Variants in ANO7 observed in about 807,000 individuals in gnomAD.
The protein encoded by ANO7 is anoctamin-7.
In ANO7, 114 loss-of-function variants were observed where a neutral mutation model predicts 115.8. The observed-to-expected ratio is 0.98, with a 90% CI of 0.85 to 1.15. The LOEUF is 1.15. Among genes scored for constraint, ANO7 ranks in the 50% most tolerant of loss-of-function variants. The probability of loss-of-function intolerance (pLI) is 0.00; values close to 1 mark genes in which losing one functional copy is unlikely to be tolerated. For missense variants in ANO7, 1,302 were observed against 1,201.2 expected (o/e 1.08, Z -1.24); for synonymous variants, 550 against 498.2 (o/e 1.10, Z -1.38).
the ANO7 span, chr2:241,235,668 T>G: frequency 3.9e-6 from 4 of 1,018,494 alleles, no homozygotes; most frequent in Admixed American, 3.7e-5. Flanking sequence ...GCAATGGGGC[T>G]CCACGAAACA....
intron 16 of ANO7, 74 bp downstream of exon 16, chr2:241,212,279 AC>A: frequency 7.3e-7 from 1 of 1,376,616 alleles, no homozygotes; most frequent in Non-Finnish European, 1.0e-6. Flanking sequence ...CTGCCTGGGT[AC>A]CAGGCGTCAT....
chr2:241,203,002 G>A lies in ANO7; in HGVS notation c.724-331G>A, dbSNP rs1314321982. Among the ~76,000 whole-genome samples the A allele has an allele frequency of 1.3e-5, 2 of 152,160 alleles. No homozygotes were observed. Among genetic ancestry groups the A allele is most frequent in the Admixed American group, 6.5e-5 (1 of 15,288 alleles). ...GCCCAGAATGCACAGCACAGGACAC[G>A]AGCCTGGGGACTCTCCAACCCAGAG... On this transcript the variant is annotated intron_variant, in intron 8 of 24. Coordinates refer to ENST00000674324, the MANE Select transcript of ANO7 (RefSeq NM_001370694.2). The surrounding 1 kb of genome is among the most constrained non-coding windows in gnomAD (Gnocchi z 4.8).
At chr2:241,202,605 G>T (rs551190789) in intron 8 of ANO7, among the ~76,000 whole-genome samples, 27 of 152,324 alleles carry the variant, frequency 1.8e-4, no homozygotes, top group Admixed American at 3.9e-4. Flanking sequence ...TCTCTTGCTG[G>T]GAAAGACAGT....
chr2:241,217,668 G>A lies in ANO7; in HGVS notation c.1973-18G>A. 17 of 1,564,980 alleles carry A rather than the reference G, an allele frequency of 1.1e-5. No homozygotes were observed. Among genetic ancestry groups the A allele is most frequent in the Admixed American group, 1.9e-5 (1 of 53,816 alleles). Reference sequence around the variant, plus strand: ...GCGGACGGTGGCGGAGAGCCCGGCCGTGACCCCCTCCCCGCAGTGCTGCAG... The same window carrying A: ...GCGGACGGTGGCGGAGAGCCCGGCCATGACCCCCTCCCCGCAGTGCTGCAG... On this transcript the variant is annotated intron_variant, in intron 19 of 24. Coordinates refer to ENST00000674324, the MANE Select transcript of ANO7 (RefSeq NM_001370694.2).
chr2:241,219,879 C>T (rs987793574), intron 21 of ANO7, among the ~76,000 whole-genome samples: 3 of 152,116 alleles, frequency 2.0e-5, no homozygotes, highest in Non-Finnish European at 2.9e-5. Flanking sequence ...GGCTAGCACA[C>T]GTTCTAAACT....
In ANO7 at chr2:241,216,167, G is replaced by T; in HGVS notation, c.1901G>T (p.Ser634Ile). The change falls in exon 19 of 25, where the codon AGC becomes ATC. Residue 634 changes from serine (S) to isoleucine (I), a missense_variant. Coordinates refer to ENST00000674324, the MANE Select transcript of ANO7 (RefSeq NM_001370694.2). The part of the protein sequence containing the change: ...KRKAGASAGA[S>I]QGPWEDDYEL... ...AAGGCGGGAGCTTCTGCAGGGGCTA[G>T]CCAGGGGCCCTGGGAGGACGACTAT... 6.2e-7 allele frequency: 1 copy of T among 1,613,350 alleles called. No homozygotes were observed. The highest frequency in any genetic ancestry group is 8.5e-7 in the Non-Finnish European group (1 of 1,179,916).
rs2068507388 is a variant in ANO7 at position 241,203,031 on chromosome 2, G to A, written c.724-302G>A. On this transcript the variant is annotated intron_variant, in intron 8 of 24. Coordinates refer to ENST00000674324, the MANE Select transcript of ANO7 (RefSeq NM_001370694.2). This position sits in a 1 kb window ranked among gnomAD's most constrained non-coding sequence, Gnocchi z 4.8. Reference sequence around the variant, plus strand: ...CTGGGGACTCTCCAACCCAGAGAAGGTGCTGGACCCTGGACCACCGCCACT... The same window carrying A: ...CTGGGGACTCTCCAACCCAGAGAAGATGCTGGACCCTGGACCACCGCCACT... 1.3e-5 allele frequency among the ~76,000 whole-genome samples: 2 copies of A among 152,144 alleles called. No homozygotes were observed.
At chr2:241,210,188 T>C (rs1050306628) in intron 13 of ANO7, 107 bp from the exon 14 acceptor site, 2 of 1,096,970 alleles carry the variant, frequency 1.8e-6, no homozygotes, top group African/African-American at 1.5e-5. Flanking sequence ...GAGGTGGCAG[T>C]GCTGGGGCCA....
At chr2:241,220,823 A>T (rs2068994279) in intron 21 of ANO7, among the ~76,000 whole-genome samples, 2 of 150,154 alleles carry the variant, frequency 1.3e-5, no homozygotes, top group African/African-American at 2.5e-5. Context: ...CAACAAACAA[A>T]ACCTGGCTGT....
At chr2:241,202,655 G>A (rs1054470566) in intron 8 of ANO7, among the ~76,000 whole-genome samples, 2 of 152,212 alleles carry the variant, frequency 1.3e-5, no homozygotes, top group African/African-American at 4.8e-5. Flanking sequence ...GTAAACTGAG[G>A]CAATGCCAAA....
rs764223840 is a variant in ANO7 at position 241,218,253 on chromosome 2, C to G, written c.2193C>G (p.Ala731=). 6.6e-7 allele frequency: 1 copy of G among 1,525,866 alleles called. No homozygotes were observed. The highest frequency in any genetic ancestry group is 8.7e-7 in the Non-Finnish European group (1 of 1,143,826). The allele number at this position is 1,525,866 out of a possible 1,614,324, so 94.5% of individuals were successfully genotyped here. A position where few individuals can be genotyped will look rare whatever the true frequency, so the allele number is the denominator to read the frequency against. ...LAVISNAFLL[A]FSSDFLPRAY... is the part of the protein sequence containing the mutation. ...CCGGCGCCCAGGCCTTCCTCCTGGC[C>G]TTCTCGTCCGACTTCCTGCCGCGCG... The change falls in exon 21 of 25, where the codon GCC becomes GCG. Residue 731 remains alanine, a synonymous_variant. Coordinates refer to ENST00000674324, the MANE Select transcript of ANO7 (RefSeq NM_001370694.2).
At chr2:241,239,352 C>A in the ANO7 span, among the ~76,000 whole-genome samples, 1 of 152,138 alleles carries the variant, frequency 6.6e-6, no homozygotes. This position sits in a 1 kb window ranked among gnomAD's most constrained non-coding sequence, Gnocchi z 4.6. Flanking sequence ...TCTCTCTCCC[C>A]TCTCCTCTTC....
downstream of ANO7, chr2:241,230,953 G>C (rs755132007): frequency 6.2e-6 from 10 of 1,610,512 alleles, no homozygotes; most frequent in Non-Finnish European, 8.5e-6. This position sits in a 1 kb window ranked among gnomAD's most constrained non-coding sequence, Gnocchi z 5.0. Flanking sequence ...GGCTAAAAAA[G>C]GAGAATGTAG....
the ANO7 span, chr2:241,236,429 G>A: frequency 1.6e-6 from 1 of 628,550 alleles, no homozygotes; most frequent in Non-Finnish European, 2.8e-6. Flanking sequence ...GTGAAGGGAA[G>A]TGGCCTCCCC....
downstream of ANO7, among the ~76,000 whole-genome samples, chr2:241,226,985 A>G (rs2069201733): frequency 6.6e-6 from 1 of 152,162 alleles, no homozygotes; most frequent in Non-Finnish European, 1.5e-5. Flanking sequence ...TGAGGCTGGC[A>G]GAGTCCTAAA....
At position 241,203,611 on chromosome 2, in the gene ANO7, G is replaced by A. The variant is rs1025130083; in HGVS notation, c.889+113G>A. On this transcript the variant is annotated intron_variant, in intron 9 of 24. Transcript: ENST00000674324. This position sits in a 1 kb window ranked among gnomAD's most constrained non-coding sequence, Gnocchi z 4.8. ...GGGCAGCGTGCGTGGGGGCCTGGACGGTGGGCGCAGCTCTTGGCTCGACCG... is the reference window on the plus strand; with the variant it reads ...GGGCAGCGTGCGTGGGGGCCTGGACAGTGGGCGCAGCTCTTGGCTCGACCG... 3.3e-5 allele frequency: 25 copies of A among 762,520 alleles called. No homozygotes were observed. The highest frequency in any genetic ancestry group is 1.0e-4 in the East Asian group (3 of 29,976). 47.2% of individuals were successfully genotyped at this position (762,520 alleles called of 1,614,324 possible).
intron 4 of ANO7, among the ~76,000 whole-genome samples, chr2:241,198,599 G>C (rs1335564534): frequency 6.6e-6 from 1 of 152,222 alleles, no homozygotes; most frequent in Non-Finnish European, 1.5e-5. Context: ...CTGGGGGCCA[G>C]GGTCTGCCCT....
chr2:241,212,470 C>A (rs2068738107), intron 16 of ANO7, 102 bp from the exon 17 acceptor site: 4 of 1,312,504 alleles, frequency 3.0e-6, no homozygotes, highest in Non-Finnish European at 4.3e-6. Flanking sequence ...CGTGCTTCCT[C>A]CAGGGCAGGT....
intron 13 of ANO7, among the ~76,000 whole-genome samples, chr2:241,209,959 C>G (rs2068683267): frequency 1.3e-5 from 2 of 152,196 alleles, no homozygotes; most frequent in African/African-American, 4.8e-5. Flanking sequence ...GCCTTCCAGC[C>G]AAAGGGGCTT....
Sources: gnomAD v4.1 joint callset for allele counts (sites outside exome capture counted in the v4.1 genomes callset) on GRCh38, gnomAD v4.1.1 for gene constraint, Gnocchi (gnomAD v3.1) non-coding constraint, MANE v1.5 for transcripts, NCBI Gene and HGNC (gene_info 2026-07-23, HGNC 2026-07-21) for gene names.